Variants in COL5A2 observed in about 807,000 individuals in gnomAD.
The protein encoded by COL5A2 is collagen alpha-2(V) chain.
Under a neutral mutation model 208.2 loss-of-function variants are expected in COL5A2, and 23 were observed. The observed-to-expected ratio is 0.11, with a 90% CI of 0.08 to 0.16. COL5A2 has a LOEUF of 0.16. Among genes scored for constraint, COL5A2 ranks in the 10% least tolerant of loss-of-function variants. The pLI, the probability that COL5A2 is intolerant of heterozygous loss-of-function variation, is 1.00. For synonymous variants in COL5A2, 625 were observed against 628.5 expected (o/e 0.99, Z 0.08); for missense variants, 1,590 against 1,956.4 (o/e 0.81, Z 3.53).
chr2:189,241,999 A>G, the COL5A2 span, among the ~76,000 whole-genome samples: 1 of 152,134 alleles, frequency 6.6e-6, no homozygotes, highest in African/African-American at 2.4e-5. Flanking sequence ...GATTATTAGT[A>G]TTTTATCTGA....
chr2:189,398,993 C>A, the COL5A2 span, among the ~76,000 whole-genome samples: 1 of 152,072 alleles, frequency 6.6e-6, no homozygotes, highest in Admixed American at 6.5e-5. Flanking sequence ...TCCATAAATT[C>A]TCTCTCATAC....
At chr2:189,186,111 A>G (rs1688848411) in intron 1 of COL5A2, among the ~76,000 whole-genome samples, 1 of 151,994 alleles carries the variant, frequency 6.6e-6, no homozygotes, top group African/African-American at 2.4e-5. Flanking sequence ...CCTGAGCTCA[A>G]GGGATCCTCT....
chr2:189,231,282 CT>C, the COL5A2 span, among the ~76,000 whole-genome samples: 1 of 151,608 alleles, frequency 6.6e-6, no homozygotes, highest in African/African-American at 2.4e-5. Flanking sequence ...AAACAACACA[CT>C]TAAAATTTTA....
intron 22 of COL5A2, 115 bp from the exon 23 acceptor site, chr2:189,066,612 T>C (rs1686156394): frequency 7.5e-7 from 1 of 1,337,184 alleles, no homozygotes. Context: ...AACAATGAGA[T>C]ATTTTCATCT....
At chr2:189,305,266 C>T in the COL5A2 span, among the ~76,000 whole-genome samples, 1 of 152,146 alleles carries the variant, frequency 6.6e-6, no homozygotes, top group Non-Finnish European at 1.5e-5. Flanking sequence ...TTCGCATTTA[C>T]GAGCCTGCTG....
chr2:189,157,065 T>G (rs559132222), intron 1 of COL5A2, among the ~76,000 whole-genome samples: 1 of 143,000 alleles, frequency 7.0e-6, no homozygotes, highest in Non-Finnish European at 1.6e-5. Context: ...AAGCAAGTAG[T>G]TAAATATTCT....
chr2:189,210,422 T>G lies in COL5A2; in HGVS notation c.-42+14726A>C, dbSNP rs1371821456. Among the ~76,000 whole-genome samples, 5 of 128,136 alleles carry G rather than the reference T, an allele frequency of 3.9e-5. No homozygotes were observed. The East Asian group carries it at 7.8e-4, about 20-fold the overall frequency. 84.1% of individuals were successfully genotyped at this position (128,136 alleles called of 152,430 possible). A position where few individuals can be genotyped will look rare whatever the true frequency, so the allele number is the denominator to read the frequency against. On this transcript the variant is annotated intron_variant, in intron 1 of 10. Coordinates refer to the COL5A2 transcript ENST00000649966. Reference sequence around the variant, plus strand: ...TCACTTGATTAAAATATTTTACATTTGTTGAGCTTGAAAAAAAAAAAAAAG... The same window carrying G: ...TCACTTGATTAAAATATTTTACATTGGTTGAGCTTGAAAAAAAAAAAAAAG...
chr2:189,032,043 T>C lies in COL5A2; in HGVS notation c.*2027A>G, dbSNP rs1213984715. On this transcript the variant is annotated 3_prime_UTR_variant, in exon 54 of 54. Transcript: ENST00000374866. ...TATATGAACTTATATAATCTTATAG[T>C]TTGGACTTGGAAGTCAAACAAAACT... 1 of 152,164 alleles carries C rather than the reference T, an allele frequency of 6.6e-6. No homozygotes were observed. Among genetic ancestry groups the C allele is most frequent in the African/African-American group, 2.4e-5 (1 of 41,442 alleles). 9.4% of individuals were successfully genotyped at this position (152,164 alleles called of 1,614,324 possible).
At chr2:189,180,174 TCTC>T (rs1688756677), upstream of COL5A2, among the ~76,000 whole-genome samples, 1 of 152,076 alleles carries the variant, frequency 6.6e-6, no homozygotes, top group African/African-American at 2.4e-5. Flanking sequence ...AAGACTCTCT[TCTC>T]CACCTTAAAT....
chr2:189,300,675 A>T, the COL5A2 span, among the ~76,000 whole-genome samples: 1 of 152,242 alleles, frequency 6.6e-6, no homozygotes, highest in Non-Finnish European at 1.5e-5. Context: ...AGTAAGTAGC[A>T]ATAGCAGTAG....
At chr2:189,242,073 T>TA in the COL5A2 span, among the ~76,000 whole-genome samples, 640 of 152,346 alleles carry the variant, frequency 4.2e-3, 20 homozygotes, top group East Asian at 0.089. Flanking sequence ...CTTATTGACT[T>TA]ATAAAGACAT....
intron 1 of COL5A2, among the ~76,000 whole-genome samples, chr2:189,151,690 C>G (rs996762547): frequency 3.8e-4 from 58 of 152,162 alleles, no homozygotes; most frequent in Non-Finnish European, 1.0e-4. Context: ...ACCTTCTTCA[C>G]TGTAAAACCC....
chr2:189,295,834 A>G, the COL5A2 span, among the ~76,000 whole-genome samples: 1 of 152,152 alleles, frequency 6.6e-6, no homozygotes. Flanking sequence ...ATAGATGAAA[A>G]TGTACTGTTT....
intron 1 of COL5A2, among the ~76,000 whole-genome samples, chr2:189,135,303 G>T (rs555573009): frequency 1.3e-5 from 2 of 152,228 alleles, no homozygotes; most frequent in South Asian, 4.1e-4. Flanking sequence ...GGATATTTAA[G>T]TAATACATAA....
chr2:189,069,646 A>C (rs1164404451), intron 18 of COL5A2, among the ~76,000 whole-genome samples: 1 of 152,242 alleles, frequency 6.6e-6, no homozygotes, highest in Non-Finnish European at 1.5e-5. Context: ...AATATCAGCT[A>C]AAATGTGCTG....
At chr2:189,427,430 T>A in the COL5A2 span, among the ~76,000 whole-genome samples, 1 of 152,162 alleles carries the variant, frequency 6.6e-6, no homozygotes, top group Admixed American at 6.5e-5. Flanking sequence ...ACGGAGACCC[T>A]TTACTAGGAC....
intron 1 of COL5A2, among the ~76,000 whole-genome samples, chr2:189,168,426 T>C (rs948498898): frequency 2.0e-5 from 3 of 152,060 alleles, no homozygotes; most frequent in African/African-American, 7.2e-5. Flanking sequence ...TTAACCTCAC[T>C]GTCCAATCCA....
intron 1 of COL5A2, among the ~76,000 whole-genome samples, chr2:189,172,760 C>A (rs1312689118): frequency 6.6e-6 from 1 of 151,834 alleles, no homozygotes; most frequent in African/African-American, 2.4e-5. Flanking sequence ...CATCTTAAAG[C>A]TGAATTCACA....
intron 1 of COL5A2, among the ~76,000 whole-genome samples, chr2:189,208,467 G>A (rs1257317759): frequency 6.6e-6 from 1 of 152,188 alleles, no homozygotes; most frequent in African/African-American, 2.4e-5. Flanking sequence ...AAGGATGGCA[G>A]AAGAGGCAAC....
Sources: allele counts gnomAD v4.1 joint callset (sites outside exome capture counted in the v4.1 genomes callset), GRCh38; gene constraint gnomAD v4.1.1; transcripts MANE v1.5; gene names NCBI Gene and HGNC (gene_info 2026-07-23, HGNC 2026-07-21).